NIM1K: variants seen among roughly 807,000 people sequenced by gnomAD.
The protein encoded by NIM1K is NIM1 serine/threonine protein kinase.
Under a neutral mutation model 37.1 loss-of-function variants are expected in NIM1K, and 35 were observed. The ratio of observed to expected loss-of-function variants is 0.94; its 90% CI spans 0.72 to 1.25. The LOEUF is 1.25. Among genes scored for constraint, NIM1K ranks in the 50% most tolerant of loss-of-function variants. The pLI is 0.00. For synonymous variants in NIM1K, 234 were observed against 206.6 expected, an observed-to-expected ratio of 1.13 and a Z score of -1.14; for missense variants, 564 against 548.0, an observed-to-expected ratio of 1.03 and a Z score of -0.29.
At chr5:43,219,018 T>C (rs984507905) in intron 1 of NIM1K, among the ~76,000 whole-genome samples, 6 of 152,166 alleles carry the variant, frequency 3.9e-5, no homozygotes, top group Non-Finnish European at 8.8e-5. Flanking sequence ...GAGTGAGTTC[T>C]CATGCGATCT....
At chr5:43,212,321 G>T (rs1752216686) in intron 1 of NIM1K, among the ~76,000 whole-genome samples, 1 of 152,112 alleles carries the variant, frequency 6.6e-6, no homozygotes, top group African/African-American at 2.4e-5. Context: ...CATGGCAGAG[G>T]TCTCCTCCCA....
At chr5:43,210,185 AGGGAGGAGAGGGGAG>A (rs1243268673) in intron 1 of NIM1K, among the ~76,000 whole-genome samples, 4 of 147,792 alleles carry the variant, frequency 2.7e-5, no homozygotes, top group Non-Finnish European at 6.0e-5. Context: ...GGAGAGAGGA[AGGGAGGAGAGGGGAG>A]GGGAGGAGAG....
intron 1 of NIM1K, among the ~76,000 whole-genome samples, chr5:43,227,405 T>C (rs1016666837): frequency 1.3e-5 from 2 of 152,002 alleles, no homozygotes; most frequent in Admixed American, 6.6e-5. Flanking sequence ...AATAAAAGAA[T>C]CGGTTCTTGG....
intron 1 of NIM1K, among the ~76,000 whole-genome samples, chr5:43,219,942 G>C (rs181010508): frequency 2.3e-4 from 35 of 152,088 alleles, no homozygotes; most frequent in African/African-American, 8.2e-4. Flanking sequence ...GGCCAGGCTG[G>C]TCTTGAACTC....
intron 1 of NIM1K, among the ~76,000 whole-genome samples, chr5:43,240,739 G>A (rs555640753): frequency 6.6e-6 from 1 of 151,854 alleles, no homozygotes; most frequent in Admixed American, 6.5e-5. Flanking sequence ...GTTTCACCAT[G>A]TTGGTCAGGC....
At chr5:43,251,068 A>T (rs911999551) in intron 2 of NIM1K, among the ~76,000 whole-genome samples, 3 of 152,236 alleles carry the variant, frequency 2.0e-5, no homozygotes, top group African/African-American at 7.2e-5. Flanking sequence ...AGTACATGAC[A>T]TATAGTAACC....
In NIM1K at chr5:43,245,880, G is replaced by C; in HGVS notation, c.105G>C (p.Lys35Asn). Reference protein sequence around the residue: ...VESGCQTESSKEGEEGQPRQL... With the variant: ...VESGCQTESSNEGEEGQPRQL... ...GTGGCTGTCAGACCGAGAGTAGCAA[G>C]GAGGGTGAGGAGGGACAGCCCCGCC... The change falls in exon 2 of 4, where the codon AAG becomes AAC. Residue 35 changes from lysine (K) to asparagine (N), a missense_variant. Lys to Asn is a moderately conservative substitution (Grantham distance 94). Coordinates refer to ENST00000326035, the MANE Select transcript of NIM1K (RefSeq NM_153361.4). 1.2e-6 allele frequency: 2 copies of C among 1,614,134 alleles called. No homozygotes were observed. The highest frequency in any genetic ancestry group is 1.7e-6 in the Non-Finnish European group (2 of 1,180,008).
intron 1 of NIM1K, among the ~76,000 whole-genome samples, chr5:43,229,589 C>T (rs1425483105): frequency 6.6e-6 from 1 of 151,444 alleles, no homozygotes; most frequent in Non-Finnish European, 1.5e-5. Context: ...TATACATATT[C>T]ATGAATATCA....
At chr5:43,264,523 G>T (rs1165574726) in intron 2 of NIM1K, among the ~76,000 whole-genome samples, 1 of 152,132 alleles carries the variant, frequency 6.6e-6, no homozygotes, top group Non-Finnish European at 1.5e-5. Context: ...GTCTCTGCAT[G>T]TGAGATGGGT....
intron 1 of NIM1K, among the ~76,000 whole-genome samples, chr5:43,229,242 G>A (rs375771007): frequency 4.0e-5 from 6 of 151,874 alleles, no homozygotes; most frequent in Non-Finnish European, 7.4e-5. Context: ...AAAATTAGCC[G>A]GGCGTGGTGG....
intron 2 of NIM1K, among the ~76,000 whole-genome samples, chr5:43,266,190 T>C (rs187632656): frequency 2.7e-4 from 41 of 152,232 alleles, no homozygotes; most frequent in African/African-American, 7.2e-5. Context: ...TTCTGCTGCC[T>C]TTTGTTCAGC....
intron 2 of NIM1K, among the ~76,000 whole-genome samples, chr5:43,260,115 C>T (rs971532797): frequency 6.6e-5 from 10 of 152,058 alleles, no homozygotes; most frequent in African/African-American, 2.4e-4. Flanking sequence ...GAAAAATCTA[C>T]GAGTCTTTTG....
At chr5:43,252,459 C>CAT (rs995857387) in intron 2 of NIM1K, among the ~76,000 whole-genome samples, 15 of 151,990 alleles carry the variant, frequency 9.9e-5, no homozygotes, top group African/African-American at 3.6e-4. Context: ...CCAGAATTGT[C>CAT]ATCCGGTTTT....
chr5:43,232,309 T>C, intron 1 of NIM1K: 1 of 1,228,276 alleles, frequency 8.1e-7, no homozygotes, highest in Non-Finnish European at 1.2e-6. Flanking sequence ...CAGTCTCTGC[T>C]ACAGAAAGCT....
intron 1 of NIM1K, among the ~76,000 whole-genome samples, chr5:43,198,341 T>A (rs944267420): frequency 9.0e-6 from 1 of 111,016 alleles, no homozygotes; most frequent in Non-Finnish European, 2.2e-5. Context: ...TCTTTCTGTC[T>A]TTCTTTCTTT....
intron 1 of NIM1K, chr5:43,207,230 A>G (rs1752131317): frequency 1.3e-6 from 1 of 755,488 alleles, no homozygotes; most frequent in Non-Finnish European, 2.5e-6. Context: ...TACCTGGGAC[A>G]TCATGGGAAG....
At chr5:43,213,157 CTT>C (rs1752228360) in intron 1 of NIM1K, among the ~76,000 whole-genome samples, 1 of 41,564 alleles carries the variant, frequency 2.4e-5, no homozygotes. Flanking sequence ...CATTTTCTTT[CTT>C]TCTTTTTTTC....
chr5:43,231,826 T>C (rs1467660324), intron 1 of NIM1K: 43 of 1,228,078 alleles, frequency 3.5e-5, no homozygotes, highest in Non-Finnish European at 4.3e-5. Context: ...TATTCCTCTC[T>C]TTCTTCCTCA....
chr5:43,275,810 G>T (rs1008321071), intron 2 of NIM1K, among the ~76,000 whole-genome samples: 1 of 152,108 alleles, frequency 6.6e-6, no homozygotes, highest in Non-Finnish European at 1.5e-5. Context: ...TCATTCTGAG[G>T]CTTACCTTGA....
Sources: gnomAD v4.1 joint callset for allele counts (sites outside exome capture counted in the v4.1 genomes callset) on GRCh38, gnomAD v4.1.1 for gene constraint, MANE v1.5 for transcripts, NCBI Gene and HGNC (gene_info 2026-07-23, HGNC 2026-07-21) for gene names.